Variants in NCAM1 observed in about 807,000 individuals in gnomAD.
The protein encoded by NCAM1 is antigen recognized by monoclonal antibody 5.1H11.
In NCAM1, 14 loss-of-function variants were observed where a neutral mutation model predicts 109.8. The ratio of observed to expected loss-of-function variants is 0.13; its 90% CI spans 0.08 to 0.20. The LOEUF (loss-of-function observed/expected upper bound fraction) is 0.20, where lower values mean the gene tolerates loss of function less well. Ranked by LOEUF, NCAM1 falls within the 10% of genes least tolerant of loss-of-function variation. NCAM1 has a pLI of 1.00. For missense variants in NCAM1, 774 were observed against 1,109.9 expected (o/e 0.70, Z 4.30); for synonymous variants, 418 against 442.9 (o/e 0.94, Z 0.70).
intron 18 of NCAM1, among the ~76,000 whole-genome samples, chr11:113,270,988 C>T (rs1946256196): frequency 6.6e-6 from 1 of 152,074 alleles, no homozygotes; most frequent in Non-Finnish European, 1.5e-5. Flanking sequence ...AGAGCTGGAG[C>T]AAGCCAGAAA....
intron 1 of NCAM1, among the ~76,000 whole-genome samples, chr11:113,159,991 A>G (rs1942546394): frequency 6.6e-6 from 1 of 151,730 alleles, no homozygotes; most frequent in Non-Finnish European, 1.5e-5. Context: ...TGTATTCATT[A>G]CTCAGTGTTC....
chr11:113,021,681 TC>T (rs1227550205), intron 1 of NCAM1, among the ~76,000 whole-genome samples: 2 of 152,242 alleles, frequency 1.3e-5, no homozygotes, highest in Non-Finnish European at 2.9e-5. Context: ...ACAGCGATTT[TC>T]CCATTGTCAT....
At chr11:113,022,195 A>G (rs1286343740) in intron 1 of NCAM1, among the ~76,000 whole-genome samples, 1 of 152,076 alleles carries the variant, frequency 6.6e-6, no homozygotes, top group Non-Finnish European at 1.5e-5. Context: ...CAATACAAAC[A>G]CCTCGTTTGG....
chr11:113,153,125 C>A (rs185217357), intron 1 of NCAM1, among the ~76,000 whole-genome samples: 1 of 152,062 alleles, frequency 6.6e-6, no homozygotes, highest in Non-Finnish European at 1.5e-5. Context: ...TCACTGCAAC[C>A]TCCGCCTCCC....
intron 1 of NCAM1, among the ~76,000 whole-genome samples, chr11:113,186,593 G>A (rs1943515239): frequency 1.3e-5 from 2 of 152,214 alleles, no homozygotes; most frequent in South Asian, 4.1e-4. Context: ...GAGAACACTT[G>A]GTCAGATTTT....
At chr11:113,202,251 AG>A in intron 1 of NCAM1, 127 bp from the exon 2 acceptor site, 1 of 941,522 alleles carries the variant, frequency 1.1e-6, no homozygotes, top group Non-Finnish European at 1.6e-6. Context: ...TCTTAAAGTC[AG>A]TTGGGAAGCC....
chr11:113,133,066 T>A (rs1941463563), intron 1 of NCAM1: 1 of 152,170 alleles, frequency 6.6e-6, no homozygotes, highest in South Asian at 2.1e-4. Flanking sequence ...CCTGCATTGT[T>A]GAGGGAGGAA....
intron 1 of NCAM1, among the ~76,000 whole-genome samples, chr11:113,096,584 C>G (rs1325508566): frequency 6.6e-6 from 1 of 152,150 alleles, no homozygotes; most frequent in African/African-American, 2.4e-5. Flanking sequence ...GCACTCTGTT[C>G]ATCACTTTCC....
In NCAM1 at chr11:113,275,753, A is replaced by G. The variant is rs1946390199; in HGVS notation, c.*366A>G. Reference sequence around the variant, plus strand: ...CTCAGAAACGAAATCTAGGTTCAGGAAGACCACACTTGGTGTTACCCGATT... The same window carrying G: ...CTCAGAAACGAAATCTAGGTTCAGGGAGACCACACTTGGTGTTACCCGATT... On this transcript the variant is annotated 3_prime_UTR_variant, in exon 20 of 20. Coordinates refer to ENST00000316851, the MANE Select transcript of NCAM1 (RefSeq NM_181351.5). 1 of 185,828 alleles carries G rather than the reference A, an allele frequency of 5.4e-6. No individual in the cohort carries two copies. The highest frequency in any genetic ancestry group is 2.4e-5 in the African/African-American group (1 of 42,100). 11.5% of individuals were successfully genotyped at this position (185,828 alleles called of 1,614,324 possible). A position where few individuals can be genotyped will look rare whatever the true frequency, so the allele number is the denominator to read the frequency against.
intron 1 of NCAM1, among the ~76,000 whole-genome samples, chr11:112,981,689 A>G (rs147652354): frequency 3.9e-5 from 6 of 151,976 alleles, no homozygotes; most frequent in African/African-American, 1.2e-4. Flanking sequence ...TATTCCCACA[A>G]TCACTTAGAG....
At chr11:113,166,097 C>T (rs1942788334) in intron 1 of NCAM1, among the ~76,000 whole-genome samples, 1 of 152,124 alleles carries the variant, frequency 6.6e-6, no homozygotes, top group Admixed American at 6.6e-5. Context: ...TCCCAAAGTG[C>T]TGGGATTACA....
At chr11:113,027,847 T>C (rs1405272134) in intron 1 of NCAM1, among the ~76,000 whole-genome samples, 1 of 152,228 alleles carries the variant, frequency 6.6e-6, no homozygotes, top group African/African-American at 2.4e-5. Context: ...CTGGTCTTGA[T>C]GCTAATGTAA....
At chr11:113,145,933 C>T (rs1352811076) in intron 1 of NCAM1, among the ~76,000 whole-genome samples, 3 of 152,170 alleles carry the variant, frequency 2.0e-5, no homozygotes, top group Non-Finnish European at 2.9e-5. Flanking sequence ...TGGTGACACT[C>T]CTTTTTTGGG....
intron 1 of NCAM1, among the ~76,000 whole-genome samples, chr11:113,194,031 GCT>G (rs1943778106): frequency 6.6e-6 from 1 of 152,128 alleles, no homozygotes; most frequent in Non-Finnish European, 1.5e-5. Context: ...ATCTGGCTTG[GCT>G]CTGTGTTCTG....
chr11:113,277,915 T>G lies in NCAM1; in HGVS notation c.*2528T>G, dbSNP rs1371284856. The G allele has an allele frequency of 6.6e-6, 1 of 151,426 alleles. No individual in the cohort carries two copies. The highest frequency in any genetic ancestry group is 2.4e-5 in the African/African-American group (1 of 41,070). 9.4% of individuals were successfully genotyped at this position (151,426 alleles called of 1,614,324 possible). Reference sequence around the variant, plus strand: ...TAAAATCAAAGAGGGAGTCATTTTATTCCAAGATGTTTTATCTTTTATGTT... The same window carrying G: ...TAAAATCAAAGAGGGAGTCATTTTAGTCCAAGATGTTTTATCTTTTATGTT... On this transcript the variant is annotated 3_prime_UTR_variant, in exon 20 of 20. Coordinates refer to ENST00000316851, the MANE Select transcript of NCAM1 (RefSeq NM_181351.5).
At chr11:113,214,807 G>A (rs1944484026) in intron 8 of NCAM1, among the ~76,000 whole-genome samples, 1 of 152,196 alleles carries the variant, frequency 6.6e-6, no homozygotes, top group South Asian at 2.1e-4. Flanking sequence ...GAGTTATGGA[G>A]CTGTGAGGGA....
At chr11:113,120,783 G>A (rs1489378965) in intron 1 of NCAM1, among the ~76,000 whole-genome samples, 5 of 152,178 alleles carry the variant, frequency 3.3e-5, no homozygotes, top group Admixed American at 3.3e-4. Flanking sequence ...AAAACTCGAA[G>A]AAAATGCCAG....
intron 1 of NCAM1, among the ~76,000 whole-genome samples, chr11:113,079,440 T>A (rs1938687583): frequency 6.6e-6 from 1 of 152,080 alleles, no homozygotes; most frequent in Non-Finnish European, 1.5e-5. Context: ...GCCTCCCTGG[T>A]TTTCTCCCAA....
intron 1 of NCAM1, among the ~76,000 whole-genome samples, chr11:112,990,454 G>A (rs1951427206): frequency 6.6e-6 from 1 of 152,140 alleles, no homozygotes; most frequent in Admixed American, 6.5e-5. Flanking sequence ...ACCGTTGAGA[G>A]GGACTGTAGC....
Sources: gnomAD v4.1 joint callset for allele counts (sites outside exome capture counted in the v4.1 genomes callset) on GRCh38, gnomAD v4.1.1 for gene constraint, MANE v1.5 for transcripts, NCBI Gene and HGNC (gene_info 2026-07-23, HGNC 2026-07-21) for gene names.